Variants in PAK5 observed in about 807,000 individuals in gnomAD.
PAK5 encodes serine/threonine-protein kinase PAK 5.
Under a neutral mutation model 65.9 loss-of-function variants are expected in PAK5, and 16 were observed. The observed-to-expected ratio is 0.24, with a 90% CI of 0.16 to 0.37. The LOEUF is 0.37. Among genes scored for constraint, PAK5 ranks in the 10% least tolerant of loss-of-function variants. The probability of loss-of-function intolerance (pLI) is 1.00; values close to 1 mark genes in which losing one functional copy is unlikely to be tolerated. For synonymous variants in PAK5, 371 were observed against 354.9 expected, an observed-to-expected ratio of 1.05 and a Z score of -0.51; for missense variants, 785 against 903.9, an observed-to-expected ratio of 0.87 and a Z score of 1.69.
chr20:9,559,910 T>A (rs922362198), intron 6 of PAK5, among the ~76,000 whole-genome samples: 4 of 152,200 alleles, frequency 2.6e-5, no homozygotes, highest in African/African-American at 9.7e-5. Flanking sequence ...TGAATGGTTT[T>A]CACACGACCA....
intron 1 of PAK5, among the ~76,000 whole-genome samples, chr20:9,790,325 A>G (rs2049036861): frequency 6.6e-6 from 1 of 152,074 alleles, no homozygotes; most frequent in Non-Finnish European, 1.5e-5. Context: ...TCAGAGAGCA[A>G]ACAGTATAAA....
intron 1 of PAK5, among the ~76,000 whole-genome samples, chr20:9,810,537 C>A (rs1211698322): frequency 6.6e-6 from 1 of 152,138 alleles, no homozygotes; most frequent in Non-Finnish European, 1.5e-5. Flanking sequence ...CACAGCAAGA[C>A]CCTGTCTCCA....
intron 2 of PAK5, among the ~76,000 whole-genome samples, chr20:9,655,571 T>G (rs1011764778): frequency 6.6e-6 from 1 of 152,326 alleles, no homozygotes; most frequent in East Asian, 1.9e-4. Flanking sequence ...CTATTGATTC[T>G]TTTATTGATT....
At chr20:9,785,493 T>C (rs901307317) in intron 1 of PAK5, among the ~76,000 whole-genome samples, 2 of 152,192 alleles carry the variant, frequency 1.3e-5, no homozygotes, top group African/African-American at 4.8e-5. Flanking sequence ...TAACAAATTC[T>C]TTTCCACTCT....
chr20:9,748,890 G>A (rs1011271994), intron 1 of PAK5, among the ~76,000 whole-genome samples: 2 of 152,108 alleles, frequency 1.3e-5, no homozygotes, highest in African/African-American at 2.4e-5. Context: ...AGTGGCTAGT[G>A]GCTGCCATGT....
chr20:9,817,939 G>A (rs531178550), intron 1 of PAK5, among the ~76,000 whole-genome samples: 1 of 152,308 alleles, frequency 6.6e-6, no homozygotes, highest in South Asian at 2.1e-4. Context: ...GCAGCTAGGG[G>A]TCATCAGCTA....
intron 3 of PAK5, among the ~76,000 whole-genome samples, chr20:9,592,597 T>G (rs775794924): frequency 2.0e-5 from 3 of 152,226 alleles, no homozygotes; most frequent in Non-Finnish European, 4.4e-5. Flanking sequence ...ACATTGGAAT[T>G]GCACCAAACC....
intron 2 of PAK5, among the ~76,000 whole-genome samples, chr20:9,652,527 T>C (rs575268870): frequency 7.9e-5 from 12 of 152,332 alleles, no homozygotes; most frequent in Admixed American, 1.3e-4. Context: ...ATAGGACCCA[T>C]TGGACAGTCA....
chr20:9,623,044 G>A (rs754314660), intron 3 of PAK5, among the ~76,000 whole-genome samples: 34 of 152,320 alleles, frequency 2.2e-4, no homozygotes, highest in Admixed American at 5.2e-4. Context: ...AGTGCTGTAT[G>A]TATAAAATGA....
chr20:9,701,007 T>C (rs945415692), intron 2 of PAK5, among the ~76,000 whole-genome samples: 8 of 152,126 alleles, frequency 5.3e-5, no homozygotes, highest in East Asian at 1.9e-4. Context: ...AGAGCAATGA[T>C]AGATTGGAGA....
chr20:9,589,304 C>A (rs145528730), intron 3 of PAK5, among the ~76,000 whole-genome samples: 1 of 152,212 alleles, frequency 6.6e-6, no homozygotes, highest in Admixed American at 6.5e-5. Flanking sequence ...TAGCTGGAAA[C>A]ATCAGGTAAC....
At chr20:9,771,805 G>A (rs529937895) in intron 1 of PAK5, among the ~76,000 whole-genome samples, 41 of 152,076 alleles carry the variant, frequency 2.7e-4, no homozygotes, top group Middle Eastern at 3.4e-3. Context: ...TTGGGAGTCC[G>A]GGGGAGGGCG....
intron 3 of PAK5, among the ~76,000 whole-genome samples, chr20:9,586,861 G>C (rs1285226527): frequency 1.3e-5 from 2 of 152,074 alleles, no homozygotes; most frequent in Non-Finnish European, 2.9e-5. Context: ...AAATGACAAA[G>C]ACTGCCAATT....
At chr20:9,715,197 A>G (rs1456699801) in intron 1 of PAK5, among the ~76,000 whole-genome samples, 1 of 152,222 alleles carries the variant, frequency 6.6e-6, no homozygotes, top group African/African-American at 2.4e-5. Flanking sequence ...ACAAATTTAC[A>G]AGAAAAAAAC....
At chr20:9,803,555 CTAAA>C (rs1387581749) in intron 1 of PAK5, among the ~76,000 whole-genome samples, 1 of 152,162 alleles carries the variant, frequency 6.6e-6, no homozygotes, top group Non-Finnish European at 1.5e-5. Context: ...TGTCAGCCTT[CTAAA>C]CAAACCTTTG....
chr20:9,792,062 A>G (rs1041505902), intron 1 of PAK5, among the ~76,000 whole-genome samples: 1 of 152,076 alleles, frequency 6.6e-6, no homozygotes, highest in Non-Finnish European at 1.5e-5. Context: ...CCCCTACCAG[A>G]CTGTAAGCAC....
At chr20:9,827,514 C>A (rs977226595) in intron 1 of PAK5, among the ~76,000 whole-genome samples, 1 of 151,302 alleles carries the variant, frequency 6.6e-6, no homozygotes, top group Non-Finnish European at 1.5e-5. Flanking sequence ...TGCCTGCTTT[C>A]GAAGAGTTCC....
chr20:9,714,851 G>C (rs1378598943), intron 1 of PAK5, among the ~76,000 whole-genome samples: 1 of 152,144 alleles, frequency 6.6e-6, no homozygotes, highest in African/African-American at 2.4e-5. Flanking sequence ...TATGTAGAAA[G>C]CTGGAACTAG....
chr20:9,802,840 A>G (rs1207859414), intron 1 of PAK5, among the ~76,000 whole-genome samples: 1 of 146,076 alleles, frequency 6.8e-6, no homozygotes, highest in South Asian at 2.2e-4. Flanking sequence ...GGCAACCAAC[A>G]GAAGGAATAG....
Sources: gnomAD v4.1 joint callset for allele counts (sites outside exome capture counted in the v4.1 genomes callset) on GRCh38, gnomAD v4.1.1 for gene constraint, MANE v1.5 for transcripts, NCBI Gene and HGNC (gene_info 2026-07-23, HGNC 2026-07-21) for gene names.